PRKCH: variants seen among roughly 807,000 people sequenced by gnomAD.
PRKCH encodes the protein protein kinase C eta type.
Under a neutral mutation model 82.5 loss-of-function variants are expected in PRKCH, and 28 were observed. The observed-to-expected ratio is 0.34, with a 90% CI of 0.25 to 0.47. The LOEUF (loss-of-function observed/expected upper bound fraction) is 0.47, where lower values mean the gene tolerates loss of function less well. PRKCH is among the 20% of genes least tolerant of loss of function. PRKCH has a pLI of 1.00. For missense variants in PRKCH, 705 were observed against 881.8 expected (o/e 0.80, Z 2.54); for synonymous variants, 322 against 327.4 (o/e 0.98, Z 0.18).
At chr14:61,318,666 T>A (rs1031776444), upstream of PRKCH, among the ~76,000 whole-genome samples, 2 of 152,148 alleles carry the variant, frequency 1.3e-5, no homozygotes, top group African/African-American at 4.8e-5. Flanking sequence ...TTCATCTATT[T>A]ATCTTCATCT....
chr14:61,437,709 T>C (rs1883743040), intron 2 of PRKCH, among the ~76,000 whole-genome samples: 1 of 152,152 alleles, frequency 6.6e-6, no homozygotes, highest in African/African-American at 2.4e-5. Context: ...TAGCACAAGC[T>C]AGCTAAATGT....
chr14:61,362,491 C>CT (rs752186879), intron 1 of PRKCH, among the ~76,000 whole-genome samples: 4 of 152,150 alleles, frequency 2.6e-5, no homozygotes, highest in Non-Finnish European at 5.9e-5. Flanking sequence ...ACAGTGCAGT[C>CT]TGAGTAATAA....
In PRKCH at chr14:61,395,054, T is replaced by A. The variant is rs150981064; in HGVS notation, c.427+3766T>A. 9.0e-3 allele frequency among the ~76,000 whole-genome samples: 1,375 copies of A among 152,298 alleles called. 30 individuals carry two copies. The highest frequency in any genetic ancestry group is 0.031 in the African/African-American group (1,305 of 41,546). ...GATGCTGGAAGAGCTGCTTTATCCA[T>A]GAGAAATAGACTTTTAATGCTAAAA... On this transcript the variant is annotated intron_variant, in intron 2 of 13. Coordinates refer to ENST00000332981, the MANE Select transcript of PRKCH (RefSeq NM_006255.5).
At chr14:61,541,563 T>C (rs2043185688) in intron 12 of PRKCH, among the ~76,000 whole-genome samples, 1 of 152,206 alleles carries the variant, frequency 6.6e-6, no homozygotes, top group Non-Finnish European at 1.5e-5. Context: ...AGGTCTGAAA[T>C]TGAATGAATG....
intron 1 of PRKCH, among the ~76,000 whole-genome samples, chr14:61,377,197 C>CT (rs1305947687): frequency 6.6e-6 from 1 of 152,196 alleles, no homozygotes; most frequent in Non-Finnish European, 1.5e-5. Context: ...TGATGCTAAA[C>CT]TTGGGGACTC....
intron 10 of PRKCH, among the ~76,000 whole-genome samples, chr14:61,498,774 T>G (rs1886771736): frequency 6.6e-6 from 1 of 152,144 alleles, no homozygotes; most frequent in South Asian, 2.1e-4. Context: ...GCCCCAATTA[T>G]CTCCCAAAGG....
intron 1 of PRKCH, among the ~76,000 whole-genome samples, chr14:61,388,169 G>C (rs934014070): frequency 3.8e-5 from 5 of 132,942 alleles, no homozygotes; most frequent in African/African-American, 1.4e-4. Flanking sequence ...AAAAAAAAAA[G>C]AAAGAAATCC....
intron 1 of PRKCH, among the ~76,000 whole-genome samples, chr14:61,312,346 A>G (rs1360267987): frequency 1.3e-5 from 2 of 152,216 alleles, no homozygotes; most frequent in Admixed American, 1.3e-4. Context: ...CATGTTGGCC[A>G]GGCTGGCCAA....
chr14:61,413,338 A>G (rs1229499092), intron 2 of PRKCH, among the ~76,000 whole-genome samples: 1 of 146,562 alleles, frequency 6.8e-6, no homozygotes, highest in Non-Finnish European at 1.5e-5. Context: ...GGTGGTCCCC[A>G]GCACCCCAGC....
At chr14:61,190,092 T>C (rs1343538633) in intron 1 of PRKCH, among the ~76,000 whole-genome samples, 1 of 152,228 alleles carries the variant, frequency 6.6e-6, no homozygotes, top group East Asian at 1.9e-4. Context: ...ACAGAGTTAA[T>C]AATGTCCAAC....
intron 1 of PRKCH, among the ~76,000 whole-genome samples, chr14:61,252,904 CT>C (rs1354056488): frequency 2.6e-5 from 4 of 152,152 alleles, no homozygotes; most frequent in East Asian, 3.8e-4. Context: ...GGTCACGCCC[CT>C]GGTACTGAAT....
intron 2 of PRKCH, among the ~76,000 whole-genome samples, chr14:61,401,527 T>A (rs1176171679): frequency 6.6e-6 from 1 of 152,198 alleles, no homozygotes; most frequent in Non-Finnish European, 1.5e-5. Flanking sequence ...TATTCATCCT[T>A]TTTTCCCCAC....
At chr14:61,417,072 G>C (rs2140240530) in intron 2 of PRKCH, among the ~76,000 whole-genome samples, 1 of 152,232 alleles carries the variant, frequency 6.6e-6, no homozygotes, top group East Asian at 1.9e-4. Flanking sequence ...CTGTACATAG[G>C]AGCCCTGAAA....
chr14:61,316,555 A>G (rs1014938528), intron 1 of PRKCH, among the ~76,000 whole-genome samples: 1 of 152,206 alleles, frequency 6.6e-6, no homozygotes, highest in Admixed American at 6.5e-5. Flanking sequence ...ATCACATACA[A>G]TCCATTAGTG....
intron 2 of PRKCH, among the ~76,000 whole-genome samples, chr14:61,409,545 GAAAA>G (rs552067560): frequency 2.7e-5 from 4 of 149,262 alleles, no homozygotes; most frequent in African/African-American, 9.8e-5. Flanking sequence ...ACCAAAAAAA[GAAAA>G]AAAAATCCAG....
chr14:61,505,445 C>T (rs1219293369), intron 10 of PRKCH, among the ~76,000 whole-genome samples: 34 of 126,916 alleles, frequency 2.7e-4, no homozygotes, highest in African/African-American at 1.1e-3. Flanking sequence ...CTTGCTCTAT[C>T]GCCCACTGCA....
intron 2 of PRKCH, among the ~76,000 whole-genome samples, chr14:61,423,206 G>A (rs1882947733): frequency 6.6e-6 from 1 of 152,134 alleles, no homozygotes; most frequent in Non-Finnish European, 1.5e-5. Flanking sequence ...ACTAAGAAAC[G>A]GGGACAAGAG....
rs1884239654 is a variant in PRKCH at position 61,446,652 on chromosome 14, A to T, written c.613+926A>T. ...GAACTTTCAAAGTTAGGAAAAAACA[A>T]ATATATAATCAATATGACAGCAATA... On this transcript the variant is annotated intron_variant, in intron 4 of 13. Transcript: ENST00000332981. 1.3e-5 allele frequency among the ~76,000 whole-genome samples: 2 copies of T among 152,278 alleles called. 1 individual carries two copies. The highest frequency in any genetic ancestry group is 4.1e-4 in the South Asian group (2 of 4,838).
At chr14:61,339,335 T>G (rs1216836618) in intron 1 of PRKCH, among the ~76,000 whole-genome samples, 7 of 151,260 alleles carry the variant, frequency 4.6e-5, no homozygotes, top group Non-Finnish European at 8.8e-5. Context: ...TTTTTTTTTT[T>G]TTTTCCGAGA....
Sources: gnomAD v4.1 joint callset for allele counts (sites outside exome capture counted in the v4.1 genomes callset) on GRCh38, gnomAD v4.1.1 for gene constraint, MANE v1.5 for transcripts, NCBI Gene and HGNC (gene_info 2026-07-23, HGNC 2026-07-21) for gene names.